Variants in CNBD1 observed in about 807,000 individuals in gnomAD.
CNBD1 encodes cyclic nucleotide binding domain containing 1.
In CNBD1, 71 loss-of-function variants were observed where a neutral mutation model predicts 54.4. The observed-to-expected ratio is 1.30, with a 90% CI of 1.08 to 1.59. The LOEUF (loss-of-function observed/expected upper bound fraction) is 1.59. Ranked by LOEUF, CNBD1 falls within the 40% of genes most tolerant of loss-of-function variation. The pLI is 0.00. For synonymous variants in CNBD1, 182 were observed against 170.7 expected, an observed-to-expected ratio of 1.07 and a Z score of -0.51; for missense variants, 659 against 518.0, an observed-to-expected ratio of 1.27 and a Z score of -2.64.
chr8:87,394,070 G>C (rs1347052667), intron 2 of CNBD1, among the ~76,000 whole-genome samples: 3 of 151,826 alleles, frequency 2.0e-5, no homozygotes, highest in East Asian at 3.9e-4. Context: ...AAAGGTACAT[G>C]CTTATTTCTA....
chr8:87,357,860 G>A (rs968909868), intron 10 of CNBD1, among the ~76,000 whole-genome samples: 3 of 152,126 alleles, frequency 2.0e-5, no homozygotes, highest in East Asian at 3.9e-4. Flanking sequence ...TGTTAGAGGT[G>A]GGGACTGGTG....
chr8:86,909,880 A>T (rs1426688441), intron 3 of CNBD1, among the ~76,000 whole-genome samples: 1 of 152,334 alleles, frequency 6.6e-6, no homozygotes, highest in Admixed American at 6.5e-5. Context: ...CTATATTGAC[A>T]TCCAACTGTT....
At chr8:87,023,936 G>C (rs959079306) in intron 4 of CNBD1, among the ~76,000 whole-genome samples, 3 of 152,078 alleles carry the variant, frequency 2.0e-5, no homozygotes, top group African/African-American at 7.2e-5. Flanking sequence ...GACTCATTTC[G>C]TATTGAAAGA....
chr8:87,209,980 G>A (rs1227921982), intron 5 of CNBD1, among the ~76,000 whole-genome samples: 1 of 152,156 alleles, frequency 6.6e-6, no homozygotes, highest in Non-Finnish European at 1.5e-5. Flanking sequence ...ATGATACTGA[G>A]TGAGTTCTCA....
intron 3 of CNBD1, among the ~76,000 whole-genome samples, chr8:86,920,123 G>A (rs1274590233): frequency 2.6e-5 from 4 of 152,084 alleles, no homozygotes; most frequent in Non-Finnish European, 5.9e-5. Context: ...ATTTCAATGA[G>A]ATAAACTACA....
rs1386571474 is a variant in CNBD1, at chr8:87,335,454, T to G, written c.1043-16231T>G. On this transcript the variant is annotated intron_variant, in intron 8 of 10. Coordinates refer to ENST00000518476, the MANE Select transcript of CNBD1 (RefSeq NM_173538.3). ...TGTTGAATTGATCCCTTTATCATTA[T>G]GTAATGCCCTTTTTTGTATTTTTTG... 2.0e-5 allele frequency among the ~76,000 whole-genome samples: 3 copies of G among 152,212 alleles called. No individual in the cohort carries two copies. The East Asian group carries it at 5.8e-4, about 29-fold the overall frequency.
At chr8:87,194,823 G>A (rs1813681037) in intron 4 of CNBD1, among the ~76,000 whole-genome samples, 1 of 151,802 alleles carries the variant, frequency 6.6e-6, no homozygotes, top group Admixed American at 6.6e-5. Context: ...ATGTATGTAT[G>A]TGCATTTGCA....
intron 4 of CNBD1, among the ~76,000 whole-genome samples, chr8:87,063,645 G>A (rs1337147611): frequency 1.3e-5 from 2 of 152,022 alleles, no homozygotes; most frequent in African/African-American, 4.8e-5. Context: ...AGATGATTTT[G>A]AGGGGAATAT....
At chr8:86,991,839 T>C (rs755289988) in intron 4 of CNBD1, among the ~76,000 whole-genome samples, 6 of 152,202 alleles carry the variant, frequency 3.9e-5, no homozygotes, top group Non-Finnish European at 8.8e-5. Flanking sequence ...ATCTTCTTGA[T>C]ATTGATTCTA....
intron 8 of CNBD1, among the ~76,000 whole-genome samples, chr8:87,298,882 C>CT (rs1280612130): frequency 3.9e-5 from 6 of 152,126 alleles, no homozygotes; most frequent in Admixed American, 3.9e-4. Flanking sequence ...TTTCTAGTTA[C>CT]TTTCACACAC....
At chr8:87,291,875 G>A (rs918875592) in intron 8 of CNBD1, among the ~76,000 whole-genome samples, 4 of 152,112 alleles carry the variant, frequency 2.6e-5, no homozygotes, top group African/African-American at 9.7e-5. Context: ...TCTTTGGAAT[G>A]GAACCATCTT....
At chr8:87,091,791 A>G (rs1372440926) in intron 4 of CNBD1, among the ~76,000 whole-genome samples, 1 of 134,978 alleles carries the variant, frequency 7.4e-6, no homozygotes, top group Non-Finnish European at 1.6e-5. Context: ...GAGCAATTTT[A>G]CATAAATTTT....
intron 5 of CNBD1, among the ~76,000 whole-genome samples, chr8:87,229,905 A>C (rs993422590): frequency 2.0e-5 from 3 of 152,206 alleles, no homozygotes; most frequent in African/African-American, 7.2e-5. Flanking sequence ...CTTACAAATA[A>C]TGTATTAGTC....
chr8:86,937,868 G>A (rs1809578486), intron 3 of CNBD1, among the ~76,000 whole-genome samples: 1 of 152,192 alleles, frequency 6.6e-6, no homozygotes, highest in Non-Finnish European at 1.5e-5. Flanking sequence ...AATTTCTGCA[G>A]CCACCTTGAA....
intron 4 of CNBD1, among the ~76,000 whole-genome samples, chr8:86,948,051 G>A (rs1461748476): frequency 6.6e-6 from 1 of 152,008 alleles, no homozygotes; most frequent in East Asian, 1.9e-4. Context: ...TTAATATAAT[G>A]ACCTCCAGTT....
intron 8 of CNBD1, among the ~76,000 whole-genome samples, chr8:87,330,449 G>A (rs1038781194): frequency 4.0e-5 from 6 of 151,606 alleles, no homozygotes; most frequent in Non-Finnish European, 8.8e-5. Context: ...TCTAAGCATG[G>A]ATTTTGCTGC....
chr8:87,042,426 C>CGG (rs1810091660), intron 4 of CNBD1, among the ~76,000 whole-genome samples: 1 of 151,936 alleles, frequency 6.6e-6, no homozygotes, highest in Admixed American at 6.6e-5. Flanking sequence ...AAAGGCAGAA[C>CGG]GGGGCTAAGT....
At chr8:87,327,916 T>G (rs1350959840) in intron 8 of CNBD1, among the ~76,000 whole-genome samples, 1 of 152,190 alleles carries the variant, frequency 6.6e-6, no homozygotes, top group African/African-American at 2.4e-5. Context: ...TTTTGTGTAT[T>G]GTGTAAGGTA....
chr8:87,206,156 G>A lies in CNBD1; in HGVS notation c.577+18G>A, dbSNP rs372774794. The A allele has an allele frequency of 1.3e-6, 2 of 1,516,094 alleles. No homozygotes were observed. The highest frequency in any genetic ancestry group is 1.4e-5 in the African/African-American group (1 of 70,322). 93.9% of individuals were successfully genotyped at this position (1,516,094 alleles called of 1,614,324 possible). On this transcript the variant is annotated intron_variant, in intron 5 of 10. Transcript: ENST00000518476. Reference sequence around the variant, plus strand: ...CAGCACAGGTAATAGACTAATGTGGGATAAATTTGGCGAGATAAAATGCAG... The same window carrying A: ...CAGCACAGGTAATAGACTAATGTGGAATAAATTTGGCGAGATAAAATGCAG...
Sources: allele counts gnomAD v4.1 joint callset (sites outside exome capture counted in the v4.1 genomes callset), GRCh38; gene constraint gnomAD v4.1.1; transcripts MANE v1.5; gene names NCBI Gene and HGNC (gene_info 2026-07-23, HGNC 2026-07-21).